The following POLA1 variants were observed in gnomAD, a reference collection of about 807,000 sequenced individuals.
The protein encoded by POLA1 is DNA polymerase alpha catalytic subunit.
Under a neutral mutation model 124.0 loss-of-function variants are expected in POLA1, and 15 were observed. That is an observed-to-expected ratio of 0.12 (90% CI 0.08 to 0.19). The LOEUF is 0.19. POLA1 is among the 10% of genes least tolerant of loss of function. The pLI, the probability that POLA1 is intolerant of heterozygous loss-of-function variation, is 1.00. For synonymous variants in POLA1, 408 were observed against 389.4 expected, an observed-to-expected ratio of 1.05 and a Z score of -0.56; for missense variants, 886 against 1,103.4, an observed-to-expected ratio of 0.80 and a Z score of 2.79.
rs368563320 is a variant in POLA1 at position 24,725,971 on chromosome X, A to G, written c.1318-10A>G. On this transcript the variant is annotated splice_polypyrimidine_tract_variant and intron_variant, in intron 12 of 36. Coordinates refer to ENST00000379068, the MANE Select transcript of POLA1 (RefSeq NM_001330360.2). ...GTCTTAAGGATTTTTTAAAATATCT[A>G]CTTACCCAGCCAGTGGAAAAGAACT... 3.5e-6 allele frequency: 4 copies of G among 1,129,131 alleles called. No homozygotes were observed. The highest frequency in any genetic ancestry group is 4.8e-6 in the Non-Finnish European group (4 of 828,359). 93.1% of individuals were successfully genotyped at this position (1,129,131 alleles called of 1,213,427 possible). A position where few individuals can be genotyped will look rare whatever the true frequency, so the allele number is the denominator to read the frequency against.
intron 35 of POLA1, among the ~76,000 whole-genome samples, chrX:24,899,989 T>G (rs1407470039): frequency 8.9e-6 from 1 of 112,141 alleles, no homozygotes; most frequent in African/African-American, 3.2e-5. Context: ...TTTCCCCCCT[T>G]GGTTCACCTG....
intron 34 of POLA1, among the ~76,000 whole-genome samples, chrX:24,855,811 AC>A (rs1301872306): frequency 9.0e-6 from 1 of 110,892 alleles, no homozygotes; most frequent in East Asian, 2.8e-4. Context: ...CTGAAGTCCC[AC>A]ACTTGACCCC....
At chrX:24,704,313 G>GT in intron 3 of POLA1, 76 bp from the exon 4 acceptor site, 1 of 735,809 alleles carries the variant, frequency 1.4e-6, no homozygotes. Context: ...GGTATAAAAG[G>GT]TTTTTTTGGT....
At chrX:24,960,380 C>G (rs940244509) in intron 36 of POLA1, among the ~76,000 whole-genome samples, 1 of 111,784 alleles carries the variant, frequency 8.9e-6, no homozygotes, top group African/African-American at 3.3e-5. Flanking sequence ...TCCTAGTAGG[C>G]CATATGTGTT....
At chrX:24,937,639 T>TC in intron 36 of POLA1, among the ~76,000 whole-genome samples, 1 of 111,650 alleles carries the variant, frequency 9.0e-6, no homozygotes. Flanking sequence ...CCAAGTGTGA[T>TC]CAGTAACCCA....
intron 34 of POLA1, among the ~76,000 whole-genome samples, chrX:24,868,174 T>G (rs2046819435): frequency 8.9e-6 from 1 of 112,391 alleles, no homozygotes; most frequent in Non-Finnish European, 1.9e-5. Flanking sequence ...TTTAGTTTGC[T>G]AAATTCATAA....
intron 36 of POLA1, among the ~76,000 whole-genome samples, chrX:24,957,251 G>A (rs932331262): frequency 2.7e-5 from 3 of 112,276 alleles, no homozygotes; most frequent in Non-Finnish European, 5.6e-5. Context: ...TTTTCAAGGA[G>A]AGGAAGAAAC....
rs750963019 is a variant in POLA1 at position 24,705,465 on chromosome X, CAG to C, written c.346+1000_346+1001del. ...TTCTCTCTCCTTCCAACCACATACACAGAGACTTTTTGCTCAGTGAACTTTTA... is the reference window on the plus strand; with the variant it reads ...TTCTCTCTCCTTCCAACCACATACACAGACTTTTTGCTCAGTGAACTTTTA... On this transcript the variant is annotated intron_variant, in intron 4 of 36. Coordinates refer to ENST00000379068, the MANE Select transcript of POLA1 (RefSeq NM_001330360.2). 2.9e-3 allele frequency among the ~76,000 whole-genome samples: 323 copies of C among 111,721 alleles called. 1 individual carries two copies. The highest frequency in any genetic ancestry group is 0.01 in the African/African-American group (312 of 30,794).
intron 12 of POLA1, among the ~76,000 whole-genome samples, chrX:24,724,799 G>T (rs1283573716): frequency 8.9e-6 from 1 of 111,931 alleles, no homozygotes; most frequent in Non-Finnish European, 1.9e-5. Flanking sequence ...AGATGTTTTG[G>T]TTAGAAAGTT....
intron 29 of POLA1, among the ~76,000 whole-genome samples, chrX:24,813,781 T>C (rs1282868917): frequency 1.1e-5 from 1 of 88,932 alleles, no homozygotes; most frequent in Non-Finnish European, 2.1e-5. Context: ...ACCATTGCAC[T>C]CCAGCCTGGG....
intron 16 of POLA1, among the ~76,000 whole-genome samples, chrX:24,733,453 A>G (rs1446669062): frequency 5.4e-5 from 6 of 112,120 alleles, no homozygotes; most frequent in Admixed American, 1.9e-4. Flanking sequence ...TGCTTGCGGC[A>G]TTGGTGGTGG....
At chrX:24,732,529 C>A in intron 16 of POLA1, 75 bp downstream of exon 16, 1 of 606,734 alleles carries the variant, frequency 1.6e-6, no homozygotes, top group South Asian at 2.7e-5. Flanking sequence ...GCTATTGGAT[C>A]AGTAACTTGT....
intron 26 of POLA1, among the ~76,000 whole-genome samples, chrX:24,773,852 A>T (rs1297244293): frequency 1.8e-5 from 2 of 112,078 alleles, no homozygotes; most frequent in African/African-American, 6.5e-5. Context: ...TAGAACCGTC[A>T]TGTAAAGATA....
rs1243750141 is a variant in POLA1 at position 24,841,439 on chromosome X, T to G, written c.3737-213T>G. 9.8e-5 allele frequency among the ~76,000 whole-genome samples: 11 copies of G among 112,275 alleles called. 1 individual carries two copies. On this transcript the variant is annotated intron_variant, in intron 32 of 36. Transcript: ENST00000379068. ...AGTAGGTGCTTCCAAACCCATATGT[T>G]CAGTGGCATATTTCTGTGTTGTGTT...
intron 36 of POLA1, among the ~76,000 whole-genome samples, chrX:24,984,654 C>CT (rs72426448): frequency 0.021 from 1,667 of 78,536 alleles, 29 homozygotes; most frequent in East Asian, 0.043. Flanking sequence ...ACCTTTTGCA[C>CT]TTTTTTTTTT....
In POLA1 at chrX:24,906,018, C is replaced by A. The variant is rs760115142; in HGVS notation, c.4164+17896C>A. 4.5e-5 allele frequency among the ~76,000 whole-genome samples: 5 copies of A among 112,128 alleles called. No homozygotes were observed. The East Asian group carries it at 1.1e-3, about 25-fold the overall frequency. ...AAGTCAGAAAATAAATAGATGTTGGCATGGATGTGGTGAAAAGGGAGCACT... is the reference window on the plus strand; with the variant it reads ...AAGTCAGAAAATAAATAGATGTTGGAATGGATGTGGTGAAAAGGGAGCACT... On this transcript the variant is annotated intron_variant, in intron 35 of 36. Transcript: ENST00000379068.
chrX:24,942,754 G>A (rs1232630730), intron 36 of POLA1, among the ~76,000 whole-genome samples: 4 of 112,046 alleles, frequency 3.6e-5, no homozygotes, highest in African/African-American at 6.5e-5. Flanking sequence ...TCAGTGGCAC[G>A]ATCTCTGCTC....
intron 34 of POLA1, among the ~76,000 whole-genome samples, chrX:24,850,106 A>T (rs2046536444): frequency 8.9e-6 from 1 of 111,761 alleles, no homozygotes; most frequent in African/African-American, 3.3e-5. Flanking sequence ...GTGTCCATTC[A>T]TGGAGGGTTG....
At chrX:24,873,092 T>G (rs2046887297) in intron 34 of POLA1, among the ~76,000 whole-genome samples, 1 of 111,581 alleles carries the variant, frequency 9.0e-6, no homozygotes, top group Non-Finnish European at 1.9e-5. Context: ...GTGCTGTGCA[T>G]TTTATAAGTT....
Sources: gnomAD v4.1 joint callset for allele counts (sites outside exome capture counted in the v4.1 genomes callset) on GRCh38, gnomAD v4.1.1 for gene constraint, MANE v1.5 for transcripts, NCBI Gene and HGNC (gene_info 2026-07-23, HGNC 2026-07-21) for gene names.